The following LPIN3 variants were observed in gnomAD, a reference collection of about 807,000 sequenced individuals.
LPIN3 encodes phosphatidate phosphatase LPIN3.
In LPIN3, 82 loss-of-function variants were observed where a neutral mutation model predicts 94.7. That is an observed-to-expected ratio of 0.87 (90% CI 0.72 to 1.04). The LOEUF is 1.04. Ranked by LOEUF, LPIN3 falls within the 50% of genes least tolerant of loss-of-function variation. The pLI is 0.00. For missense variants in LPIN3, 996 were observed against 1,090.5 expected (o/e 0.91, Z 1.22); for synonymous variants, 418 against 443.3 (o/e 0.94, Z 0.72).
chr20:41,353,691 C>A (rs2046106327), intron 11 of LPIN3, among the ~76,000 whole-genome samples: 1 of 152,266 alleles, frequency 6.6e-6, no homozygotes, highest in African/African-American at 2.4e-5. Context: ...CCCTCCTGGG[C>A]AGTGCCAGCC....
rs61730990 is a variant in LPIN3, at chr20:41,350,358, G to C, written c.1063G>C (p.Val355Leu). Residue 355 changes from valine (V) to leucine (L), a missense_variant, in exon 7 of 20, where the codon GTT becomes CTT. Val to Leu is a conservative substitution (Grantham distance 32, BLOSUM62 1). Transcript: ENST00000373257. ...SWSWATLEVPVPTGQPERVSR... is the reference protein window; with the variant it reads ...SWSWATLEVPLPTGQPERVSR... Reference sequence around the variant, plus strand: ...GAGCTGGGCCACTCTGGAGGTTCCAGTTCCCACCGGGCAGCCAGAGAGGGT... The same window carrying C: ...GAGCTGGGCCACTCTGGAGGTTCCACTTCCCACCGGGCAGCCAGAGAGGGT... The C allele has an allele frequency of 0.03, 47,482 of 1,591,214 alleles. 842 individuals are homozygous for C. The highest frequency in any genetic ancestry group is 0.036 in the Non-Finnish European group (42,483 of 1,164,176).
At chr20:41,347,492 C>T in intron 2 of LPIN3, 60 bp from the exon 3 acceptor site, 2 of 1,526,710 alleles carry the variant, frequency 1.3e-6, no homozygotes, top group Non-Finnish European at 1.8e-6. Context: ...AGCCAGGAGG[C>T]CTGTGGTCGG....
intron 2 of LPIN3, 145 bp downstream of exon 2, chr20:41,346,140 T>G: frequency 1.1e-6 from 1 of 892,674 alleles, no homozygotes; most frequent in South Asian, 1.8e-5. Flanking sequence ...TGTACTTTCT[T>G]TGAAGGTTTT....
Position 41,345,817 on chromosome 20 carries a change from G to A in LPIN3, c.14G>A (p.Gly5Glu). The A allele has an allele frequency of 6.2e-7, 1 of 1,612,702 alleles. No individual in the cohort carries two copies. The highest frequency in any genetic ancestry group is 8.5e-7 in the Non-Finnish European group (1 of 1,178,944). MNYV[G>E]QLAETVFGTV... ...CCAGCACCAGCCATGAACTACGTGG[G>A]GCAGCTGGCGGAGACGGTGTTTGGG... Residue 5 changes from glycine to glutamate, a missense_variant, in exon 2 of 20, where the codon GGG becomes GAG. By Grantham distance (98) the Gly-to-Glu change is moderately conservative. Transcript: ENST00000373257.
At chr20:41,348,563 T>A in intron 3 of LPIN3, 56 bp from the exon 4 acceptor site, 1 of 1,545,964 alleles carries the variant, frequency 6.5e-7, no homozygotes, top group East Asian at 2.3e-5. Flanking sequence ...GACTGTGTGG[T>A]GAGCGCAGCC....
chr20:41,353,000 A>G, intron 11 of LPIN3, 133 bp downstream of exon 11: 1 of 977,898 alleles, frequency 1.0e-6, no homozygotes, highest in South Asian at 1.4e-5. Context: ...TGCAAGACTC[A>G]CTCTGGGAGA....
chr20:41,357,588 A>G, intron 16 of LPIN3, 141 bp downstream of exon 16: 2 of 761,792 alleles, frequency 2.6e-6, no homozygotes, highest in South Asian at 3.6e-5. Context: ...AGACCTCTCT[A>G]TTGGCCCGCA....
chr20:41,345,708 C>T, intron 1 of LPIN3, 88 bp from the exon 2 acceptor site: 1 of 1,378,090 alleles, frequency 7.3e-7, no homozygotes, highest in Non-Finnish European at 9.9e-7. Flanking sequence ...CAAATGTAAA[C>T]TTGGGGGTCT....
chr20:41,348,616 C>G lies in LPIN3; in HGVS notation c.289-3C>G, dbSNP rs2045875851. 4 of 1,603,230 alleles carry G rather than the reference C, an allele frequency of 2.5e-6. No individual in the cohort carries two copies. The highest frequency in any genetic ancestry group is 2.6e-6 in the Non-Finnish European group (3 of 1,173,382). Reference sequence around the variant, plus strand: ...CGACCTCAGTTCTTGGTCTGTTCCACAGGAACATGTGCCTCCCGGCCTGTG... The same window carrying G: ...CGACCTCAGTTCTTGGTCTGTTCCAGAGGAACATGTGCCTCCCGGCCTGTG... On this transcript the variant is annotated splice_polypyrimidine_tract_variant and splice_region_variant and intron_variant, in intron 3 of 19. Coordinates refer to ENST00000373257, the MANE Select transcript of LPIN3 (RefSeq NM_022896.3).
intron 1 of LPIN3, among the ~76,000 whole-genome samples, chr20:41,344,203 G>A (rs577793001): frequency 6.6e-6 from 1 of 152,356 alleles, no homozygotes; most frequent in South Asian, 2.1e-4. Context: ...ACCACATTTT[G>A]AGTGCAGGGC....
chr20:41,351,724 G>C, intron 7 of LPIN3, 97 bp from the exon 8 acceptor site: 1 of 1,049,840 alleles, frequency 9.5e-7, no homozygotes, highest in Non-Finnish European at 1.4e-6. Context: ...GTTCTGCTGG[G>C]CAGCACTGCC....
chr20:41,356,284 C>G (rs942167065), intron 14 of LPIN3, among the ~76,000 whole-genome samples: 5 of 152,208 alleles, frequency 3.3e-5, no homozygotes, highest in African/African-American at 1.2e-4. Flanking sequence ...CCTAAGATAT[C>G]AACCTGTAGT....
chr20:41,353,763 C>T (rs1351506284), intron 11 of LPIN3, among the ~76,000 whole-genome samples: 1 of 152,212 alleles, frequency 6.6e-6, no homozygotes, highest in Non-Finnish European at 1.5e-5. Context: ...CCTGGCATGG[C>T]CTATTGTTCT....
At chr20:41,355,812 C>G (rs1357898510) in intron 13 of LPIN3, 84 bp from the exon 14 acceptor site, 3 of 1,544,628 alleles carry the variant, frequency 1.9e-6, no homozygotes, top group Non-Finnish European at 2.6e-6. Context: ...ATGGCGGGGA[C>G]AGGTCCAGCC....
intron 13 of LPIN3, among the ~76,000 whole-genome samples, chr20:41,355,303 G>A (rs1055910777): frequency 2.6e-5 from 4 of 152,114 alleles, no homozygotes; most frequent in Admixed American, 1.3e-4. Context: ...GTGAGCCACC[G>A]CAAGCACTTC....
Position 41,344,175 on chromosome 20 carries a change from T to C in LPIN3, c.-8-1621T>C, listed in dbSNP as rs544493712. Among the ~76,000 whole-genome samples the C allele has an allele frequency of 3.9e-5, 6 of 152,378 alleles. No individual in the cohort carries two copies. The South Asian group carries it at 1.2e-3, about 32-fold the overall frequency. On this transcript the variant is annotated intron_variant, in intron 1 of 19. Transcript: ENST00000373257. ...AGCTCCCAGGTGATGCTGATGCTGA[T>C]GTTTGTTGCTGGTGCATACCACATT...
At chr20:41,358,131 G>T in intron 17 of LPIN3, 97 bp downstream of exon 17, 1 of 1,582,598 alleles carries the variant, frequency 6.3e-7, no homozygotes, top group Non-Finnish European at 8.6e-7. Context: ...AAGCTCTCAG[G>T]TGGCAAGGAG....
rs1471557145 is a variant in LPIN3 at position 41,348,642 on chromosome 20, C to T, written c.312C>T (p.Cys104=). 5 of 1,612,352 alleles carry T rather than the reference C, an allele frequency of 3.1e-6. No homozygotes were observed. Among genetic ancestry groups the T allele is most frequent in the Admixed American group, 3.3e-5 (2 of 59,950 alleles). ...AGGAACATGTGCCTCCCGGCCTGTGCACCTCACCCATCCCTTGGGGGGGTC... is the reference window on the plus strand; with the variant it reads ...AGGAACATGTGCCTCCCGGCCTGTGTACCTCACCCATCCCTTGGGGGGGTC... ...SDDEHVPPGL[C]TSPIPWGGLS... The change falls in exon 4 of 20, where the codon TGC becomes TGT. Residue 104 remains cysteine (C), a synonymous_variant. Coordinates refer to ENST00000373257, the MANE Select transcript of LPIN3 (RefSeq NM_022896.3).
chr20:41,358,326 A>G lies in LPIN3; in HGVS notation c.2282A>G (p.Tyr761Cys), dbSNP rs766473959. ...TTTCTGCCCCACGGACAGCCCTTCT[A>G]TGCTGCCTTTGGGAATAGGCCCAAT... ...QLFLPHGQPF[Y>C]AAFGNRPNDV... The change falls in exon 18 of 20, where the codon TAT becomes TGT. Residue 761 changes from tyrosine to cysteine, a missense_variant. By Grantham distance (194) the Tyr-to-Cys change is radical. Coordinates refer to ENST00000373257, the MANE Select transcript of LPIN3 (RefSeq NM_022896.3). The G allele has an allele frequency of 8.1e-6, 13 of 1,614,084 alleles. No individual in the cohort carries two copies. In the South Asian group the frequency reaches 1.3e-4, roughly 16 times the overall value.
Sources: allele counts gnomAD v4.1 joint callset (sites outside exome capture counted in the v4.1 genomes callset), GRCh38; gene constraint gnomAD v4.1.1; transcripts MANE v1.5; gene names NCBI Gene and HGNC (gene_info 2026-07-23, HGNC 2026-07-21).